Variants in CYP2R1 observed in about 807,000 individuals in gnomAD.
CYP2R1 encodes cytochrome P450 family 2 subfamily R member 1.
CYP2R1 carries 40 observed loss-of-function variants against 45.7 expected under a neutral mutation model. The observed-to-expected ratio is 0.87, with a 90% CI of 0.68 to 1.14. CYP2R1 has a LOEUF of 1.14. CYP2R1 is among the 50% of genes most tolerant of loss of function. The pLI, the probability that CYP2R1 is intolerant of heterozygous loss-of-function variation, is 0.00. For missense variants in CYP2R1, 605 were observed against 602.6 expected, an observed-to-expected ratio of 1.00 and a Z score of -0.04; for synonymous variants, 234 against 219.3, an observed-to-expected ratio of 1.07 and a Z score of -0.59.
Position 14,880,155 on chromosome 11 carries a change from G to T in CYP2R1, c.981C>A (p.Ala327=), listed in dbSNP as rs782116417. 10 of 1,612,482 alleles carry T rather than the reference G, an allele frequency of 6.2e-6. No homozygotes were observed. The highest frequency in any genetic ancestry group is 1.3e-5 in the African/African-American group (1 of 74,808). The part of the protein sequence containing the change: ...NVLRWAILFM[A]LYPNIQGQVQ... Reference sequence around the variant, plus strand: ...CCTCACCTTGAATATTAGGATAAAGGGCCATGAAAAGAATCGCCCACCGTA... The same window carrying T: ...CCTCACCTTGAATATTAGGATAAAGTGCCATGAAAAGAATCGCCCACCGTA... The change falls in exon 3 of 5, where the codon GCC becomes GCA. Residue 327 remains alanine, a synonymous_variant. Coordinates refer to ENST00000334636, the MANE Select transcript of CYP2R1 (RefSeq NM_024514.5).
Position 14,880,134 on chromosome 11 carries a change from A to C in CYP2R1, c.1000+2T>G. On this transcript the variant is annotated splice_donor_variant, in intron 3 of 4. Coordinates refer to ENST00000334636, the MANE Select transcript of CYP2R1 (RefSeq NM_024514.5). LOFTEE classifies it high-confidence loss of function. ...CCCTGAGATCATCAAGAGAATCCTC[A>C]CCTTGAATATTAGGATAAAGGGCCA... The C allele has an allele frequency of 6.2e-7, 1 of 1,612,426 alleles. No homozygotes were observed. Among genetic ancestry groups the C allele is most frequent in the Non-Finnish European group, 8.5e-7 (1 of 1,178,958 alleles).
intron 1 of CYP2R1, among the ~76,000 whole-genome samples, chr11:14,888,581 T>C (rs2134088188): frequency 6.6e-6 from 1 of 152,298 alleles, no homozygotes; most frequent in East Asian, 1.9e-4. Context: ...CTTGGGGCAC[T>C]CTTTTTCTCT....
intron 1 of CYP2R1, chr11:14,886,822 A>C (rs1282047884): frequency 6.6e-6 from 1 of 152,318 alleles, no homozygotes; most frequent in Admixed American, 6.5e-5. Flanking sequence ...ACACTACTTC[A>C]GAAGAAAACA....
chr11:14,882,389 G>A (rs1555012619), intron 2 of CYP2R1, among the ~76,000 whole-genome samples: 1 of 152,106 alleles, frequency 6.6e-6, no homozygotes, highest in Non-Finnish European at 1.5e-5. Flanking sequence ...AATACCTGAG[G>A]AAAGACCACT....
At chr11:14,890,787 A>T (rs1848819100) in intron 1 of CYP2R1, 1 of 810,590 alleles carries the variant, frequency 1.2e-6, no homozygotes, top group Admixed American at 6.2e-5. Context: ...TGATTTCGTG[A>T]TCCGCCCGCC....
chr11:14,892,302 C>G, upstream of CYP2R1: 1 of 1,214,366 alleles, frequency 8.2e-7, no homozygotes, highest in Non-Finnish European at 1.2e-6. Context: ...CCCTCAGGTC[C>G]CGCCCTAGCT....
In CYP2R1 at chr11:14,892,166, G is replaced by C; in HGVS notation, c.40C>G (p.Leu14Val). ...LWRAEEGAAA[L>V]GGALFLLLFA... ...AGCAGCAGGAAGAGCGCGCCGCCGA[G>C]CGCCGCCGCGCCCTCTTCAGCTCTC... The change falls in exon 1 of 5, where the codon CTC (leucine) becomes GTC (valine). Residue 14 changes from leucine to valine, a missense_variant. By Grantham distance (32) the Leu-to-Val change is conservative. Transcript: ENST00000334636. The C allele has an allele frequency of 5.6e-6, 9 of 1,610,770 alleles. No homozygotes were observed. Among genetic ancestry groups the C allele is most frequent in the Non-Finnish European group, 6.8e-6 (8 of 1,179,774 alleles).
At chr11:14,879,051 C>G in intron 4 of CYP2R1, 63 bp downstream of exon 4, 1 of 1,289,144 alleles carries the variant, frequency 7.8e-7, no homozygotes, top group South Asian at 1.2e-5. Flanking sequence ...GATTAAGATG[C>G]TGTATCTAAT....
chr11:14,891,238 T>A (rs1848842341), intron 1 of CYP2R1: 2 of 984,992 alleles, frequency 2.0e-6, no homozygotes, highest in African/African-American at 3.5e-5. Flanking sequence ...AGGAGCGAAG[T>A]ACCGACCTCA....
In CYP2R1 at chr11:14,879,129, C is replaced by T. The variant is rs370571333; in HGVS notation, c.1315G>A (p.Val439Ile). Reference protein sequence around the residue: ...SGYFAKKEALVPFSLGRRHCL... With the variant: ...SGYFAKKEALIPFSLGRRHCL... ...GTTCTCTTACCTAGGGAAAAAGGAA[C>T]CAAAGCTTCCTTCTTGGCAAAATAT... Residue 439 changes from valine to isoleucine, a missense_variant, in exon 4 of 5, where the codon GTT becomes ATT. Val to Ile is a conservative substitution (Grantham distance 29, BLOSUM62 3). Coordinates refer to ENST00000334636, the MANE Select transcript of CYP2R1 (RefSeq NM_024514.5). 34 of 1,612,812 alleles carry T rather than the reference C, an allele frequency of 2.1e-5. No individual in the cohort carries two copies. The highest frequency in any genetic ancestry group is 2.7e-5 in the Non-Finnish European group (32 of 1,179,314).
chr11:14,883,115 A>G (rs1299772259), intron 2 of CYP2R1, among the ~76,000 whole-genome samples: 1 of 152,192 alleles, frequency 6.6e-6, no homozygotes, highest in African/African-American at 2.4e-5. Context: ...TGCCCAAGGT[A>G]ATTTATAGAT....
intron 2 of CYP2R1, among the ~76,000 whole-genome samples, chr11:14,885,141 C>T (rs1848565604): frequency 1.3e-5 from 2 of 152,132 alleles, no homozygotes; most frequent in Non-Finnish European, 2.9e-5. Context: ...ATTTAGGACA[C>T]AACTTTAGTA....
chr11:14,878,366 T>C, intron 4 of CYP2R1, 69 bp from the exon 5 acceptor site: 1 of 1,406,692 alleles, frequency 7.1e-7, no homozygotes, highest in Non-Finnish European at 9.9e-7. Flanking sequence ...TGTCTAATAT[T>C]TGGATGTCAT....
At chr11:14,889,934 C>G (rs1848766527) in intron 1 of CYP2R1, among the ~76,000 whole-genome samples, 1 of 152,084 alleles carries the variant, frequency 6.6e-6, no homozygotes, top group Non-Finnish European at 1.5e-5. Flanking sequence ...CGAGACCATC[C>G]TGCCTAACCG....
rs200183599 is a variant in CYP2R1 at position 14,880,285 on chromosome 11, A to G, written c.851T>C (p.Met284Thr). 221 of 1,613,244 alleles carry G rather than the reference A, an allele frequency of 1.4e-4. 1 individual carries two copies. The Middle Eastern group carries it at 4.6e-3, about 34-fold the overall frequency. Residue 284 changes from methionine to threonine, a missense_variant, in exon 3 of 5, where the codon ATG becomes ACG. Physicochemically the swap from Met to Thr is moderately conservative, Grantham distance 81 (BLOSUM62 -1). Transcript: ENST00000334636. ...QHFVDAYLDEMDQGKNDPSST... is the reference protein window; with the variant it reads ...QHFVDAYLDETDQGKNDPSST... ...TGATGGGTCATTTTTACCTTGATCCATCTCATCTAAATAAGCATCAACAAA... is the reference window on the plus strand; with the variant it reads ...TGATGGGTCATTTTTACCTTGATCCGTCTCATCTAAATAAGCATCAACAAA...
intron 1 of CYP2R1, chr11:14,891,041 T>C: frequency 1.0e-6 from 1 of 985,454 alleles, no homozygotes; most frequent in Non-Finnish European, 1.2e-6. Flanking sequence ...TCTTCACCGC[T>C]AGCGTCAGGC....
At chr11:14,884,587 C>G (rs375113163) in intron 2 of CYP2R1, among the ~76,000 whole-genome samples, 2 of 150,692 alleles carry the variant, frequency 1.3e-5, no homozygotes, top group African/African-American at 4.9e-5. Context: ...TGCTAAATGA[C>G]GAGTTAATGG....
intron 3 of CYP2R1, among the ~76,000 whole-genome samples, chr11:14,879,647 CTA>C (rs1848298917): frequency 6.6e-6 from 1 of 151,972 alleles, no homozygotes; most frequent in African/African-American, 2.4e-5. Context: ...CTCTGATAAC[CTA>C]TAACAAGCCA....
At chr11:14,887,431 G>A (rs1848663434) in intron 1 of CYP2R1, 1 of 214,072 alleles carries the variant, frequency 4.7e-6, no homozygotes, top group South Asian at 1.6e-4. Context: ...ATGTATTCCT[G>A]TATACAGTTT....
Sources: gnomAD v4.1 joint callset for allele counts (sites outside exome capture counted in the v4.1 genomes callset) on GRCh38, gnomAD v4.1.1 for gene constraint, MANE v1.5 for transcripts, NCBI Gene and HGNC (gene_info 2026-07-23, HGNC 2026-07-21) for gene names.